LRRTM3: variants seen among roughly 807,000 people sequenced by gnomAD.
The protein encoded by LRRTM3 is leucine-rich repeat transmembrane neuronal protein 3.
In LRRTM3, 24 loss-of-function variants were observed where a neutral mutation model predicts 44.7. The observed-to-expected ratio is 0.54, with a 90% CI of 0.39 to 0.76. LRRTM3 has a LOEUF of 0.76. Ranked by LOEUF, LRRTM3 falls within the 30% of genes least tolerant of loss-of-function variation. The pLI is 0.00. For missense variants in LRRTM3, 587 were observed against 702.2 expected, an observed-to-expected ratio of 0.84 and a Z score of 1.85; for synonymous variants, 277 against 278.7, an observed-to-expected ratio of 0.99 and a Z score of 0.06.
At chr10:67,065,206 G>A (rs547509104) in intron 2 of LRRTM3, among the ~76,000 whole-genome samples, 17 of 152,158 alleles carry the variant, frequency 1.1e-4, no homozygotes, top group Admixed American at 3.9e-4. Flanking sequence ...GACACATATC[G>A]GGAGACACAG....
At chr10:66,980,938 C>T (rs1416706464) in intron 2 of LRRTM3, among the ~76,000 whole-genome samples, 2 of 152,152 alleles carry the variant, frequency 1.3e-5, no homozygotes, top group Admixed American at 6.6e-5. Context: ...CAGAGTTTCA[C>T]TCTTGTTGCC....
chr10:67,046,866 G>T (rs572081579), intron 2 of LRRTM3, among the ~76,000 whole-genome samples: 1 of 152,182 alleles, frequency 6.6e-6, no homozygotes, highest in Non-Finnish European at 1.5e-5. Context: ...AGGAATTAAG[G>T]GTCCAAAGAA....
chr10:66,970,654 G>GA lies in LRRTM3; in HGVS notation c.1536+42206dup, dbSNP rs559042118. Among the ~76,000 whole-genome samples, 17 of 152,196 alleles carry GA rather than the reference G, an allele frequency of 1.1e-4. No homozygotes were observed. The East Asian group carries it at 3.3e-3, about 29-fold the overall frequency. Reference sequence around the variant, plus strand: ...CTCAAATATCCATGAAATATAACCAGAAAATCTGCATCTACATAATGACAC... The same window carrying GA: ...CTCAAATATCCATGAAATATAACCAGAAAAATCTGCATCTACATAATGACAC... On this transcript the variant is annotated intron_variant, in intron 2 of 2. Transcript: ENST00000361320.
At chr10:66,978,474 T>A (rs1589533729) in intron 2 of LRRTM3, among the ~76,000 whole-genome samples, 1 of 131,414 alleles carries the variant, frequency 7.6e-6, no homozygotes, top group Non-Finnish European at 1.5e-5. Flanking sequence ...TTGCAGTGAG[T>A]CTAGATCACA....
chr10:66,979,301 G>T (rs1043287476), intron 2 of LRRTM3, among the ~76,000 whole-genome samples: 4 of 151,980 alleles, frequency 2.6e-5, no homozygotes, highest in Non-Finnish European at 5.9e-5. Flanking sequence ...TTTAGAATTG[G>T]TTCATCCTAA....
intron 2 of LRRTM3, among the ~76,000 whole-genome samples, chr10:66,953,046 C>CTT (rs1848620565): frequency 6.6e-6 from 1 of 152,012 alleles, no homozygotes; most frequent in African/African-American, 2.4e-5. Context: ...GAAAACAGAG[C>CTT]CTACTGAGAA....
chr10:67,050,122 G>A (rs557531711), intron 2 of LRRTM3, among the ~76,000 whole-genome samples: 4 of 152,232 alleles, frequency 2.6e-5, no homozygotes, highest in East Asian at 1.9e-4. Context: ...TCCATTGCCC[G>A]GATTTCTTGC....
chr10:66,969,208 C>T (rs965560817), intron 2 of LRRTM3, among the ~76,000 whole-genome samples: 1 of 151,816 alleles, frequency 6.6e-6, no homozygotes, highest in African/African-American at 2.4e-5. Context: ...ATAAAACCAC[C>T]AGCAAACATT....
At chr10:66,953,896 G>A (rs1429140637) in intron 2 of LRRTM3, among the ~76,000 whole-genome samples, 1 of 152,094 alleles carries the variant, frequency 6.6e-6, no homozygotes, top group Non-Finnish European at 1.5e-5. Context: ...CACCCATTCT[G>A]AACCTTCATT....
chr10:66,981,035 T>C (rs1850406944), intron 2 of LRRTM3, among the ~76,000 whole-genome samples: 1 of 152,136 alleles, frequency 6.6e-6, no homozygotes, highest in Non-Finnish European at 1.5e-5. Flanking sequence ...GCCTCCCTAG[T>C]AGCTGGATTA....
intron 2 of LRRTM3, among the ~76,000 whole-genome samples, chr10:67,088,495 G>A (rs1857435007): frequency 1.3e-5 from 2 of 151,792 alleles, no homozygotes; most frequent in African/African-American, 2.4e-5. Flanking sequence ...GATAAACGGT[G>A]CCTGCATTAC....
At chr10:67,064,739 T>C (rs1855965292) in intron 2 of LRRTM3, among the ~76,000 whole-genome samples, 1 of 152,200 alleles carries the variant, frequency 6.6e-6, no homozygotes, top group Non-Finnish European at 1.5e-5. Context: ...AATTTAAGTG[T>C]ATAATATTCT....
intron 2 of LRRTM3, among the ~76,000 whole-genome samples, chr10:67,053,410 C>T: frequency 6.6e-6 from 1 of 152,054 alleles, no homozygotes; most frequent in East Asian, 1.9e-4. Context: ...TTCTGGCAGA[C>T]TTGAAGAACA....
intron 2 of LRRTM3, among the ~76,000 whole-genome samples, chr10:66,970,037 A>C (rs749547980): frequency 6.6e-6 from 1 of 152,182 alleles, no homozygotes; most frequent in Non-Finnish European, 1.5e-5. Context: ...AGTCAAGGCG[A>C]GTTCCATAGG....
At chr10:66,996,647 T>TCCAAAAAAAA (rs1851361925) in intron 2 of LRRTM3, among the ~76,000 whole-genome samples, 1 of 8,950 alleles carries the variant, frequency 1.1e-4, no homozygotes, top group South Asian at 5.3e-3. Context: ...ACTCCGTCTC[T>TCCAAAAAAAA]ACAAAAAAAA....
intron 2 of LRRTM3, among the ~76,000 whole-genome samples, chr10:67,094,040 A>G (rs1350779184): frequency 6.6e-6 from 1 of 151,978 alleles, no homozygotes; most frequent in Non-Finnish European, 1.5e-5. Context: ...GAATTAACTT[A>G]TGTAAAAATC....
chr10:67,073,725 A>G (rs1248149951), intron 2 of LRRTM3, among the ~76,000 whole-genome samples: 1 of 152,228 alleles, frequency 6.6e-6, no homozygotes, highest in Non-Finnish European at 1.5e-5. Flanking sequence ...AAAATCAAAG[A>G]CAGATAAACA....
chr10:67,008,879 G>A (rs886197693), intron 2 of LRRTM3, among the ~76,000 whole-genome samples: 21 of 151,940 alleles, frequency 1.4e-4, no homozygotes, highest in African/African-American at 5.1e-4. Context: ...CCTTAATGAG[G>A]GTTTATACTA....
chr10:66,996,900 A>G (rs939748551), intron 2 of LRRTM3, among the ~76,000 whole-genome samples: 5 of 152,146 alleles, frequency 3.3e-5, no homozygotes, highest in Non-Finnish European at 5.9e-5. Context: ...ACCTGTTGAC[A>G]GTCTGTAATT....
Sources: allele counts gnomAD v4.1 joint callset (sites outside exome capture counted in the v4.1 genomes callset), GRCh38; gene constraint gnomAD v4.1.1; transcripts MANE v1.5; gene names NCBI Gene and HGNC (gene_info 2026-07-23, HGNC 2026-07-21).